C8orf74: variants seen among roughly 807,000 people sequenced by gnomAD.
C8orf74 encodes the protein chromosome 8 open reading frame 74, also known as uncharacterized protein C8orf74.
C8orf74 carries 29 observed loss-of-function variants against 22.2 expected under a neutral mutation model. That is an observed-to-expected ratio of 1.31 (90% confidence interval 0.97 to 1.78). The LOEUF is 1.78. C8orf74 is among the 40% of genes most tolerant of loss of function. The pLI, the probability that C8orf74 is intolerant of heterozygous loss-of-function variation, is 0.00. For synonymous variants in C8orf74, 255 were observed against 163.1 expected (o/e 1.56, Z -4.30); for missense variants, 515 against 369.9 (o/e 1.39, Z -3.22).
At chr8:10,694,312 G>T (rs1286885017) in intron 2 of C8orf74, among the ~76,000 whole-genome samples, 1 of 152,094 alleles carries the variant, frequency 6.6e-6, no homozygotes, top group Non-Finnish European at 1.5e-5. Flanking sequence ...AACTAATCTT[G>T]GATGAATGGA....
At chr8:10,679,018 A>G (rs1462248847) in intron 2 of C8orf74, among the ~76,000 whole-genome samples, 2 of 152,140 alleles carry the variant, frequency 1.3e-5, no homozygotes, top group Admixed American at 6.5e-5. Flanking sequence ...CTCCTCACTG[A>G]CAAACGCTGC....
chr8:10,687,954 C>T (rs983286272), intron 2 of C8orf74, among the ~76,000 whole-genome samples: 1 of 152,032 alleles, frequency 6.6e-6, no homozygotes, highest in Non-Finnish European at 1.5e-5. Flanking sequence ...ACCTGTAATC[C>T]CAGCACTTTG....
intron 2 of C8orf74, among the ~76,000 whole-genome samples, chr8:10,685,822 C>G (rs1288231451): frequency 6.6e-6 from 1 of 152,230 alleles, no homozygotes; most frequent in Non-Finnish European, 1.5e-5. Flanking sequence ...GTAATCCCAG[C>G]ACTTTGGGAG....
intron 2 of C8orf74, among the ~76,000 whole-genome samples, chr8:10,681,659 G>A (rs1322838086): frequency 2.0e-5 from 3 of 152,196 alleles, no homozygotes; most frequent in African/African-American, 7.2e-5. Context: ...CCACCACTCT[G>A]ACCTCTGTGC....
intron 2 of C8orf74, chr8:10,687,307 G>C (rs1799281581): frequency 3.0e-6 from 1 of 331,056 alleles, no homozygotes; most frequent in Admixed American, 4.2e-5. Flanking sequence ...TTATACCATG[G>C]AATCAATATA....
In C8orf74 at chr8:10,674,729, G is replaced by T. The variant is rs748153428; in HGVS notation, c.132G>T (p.Leu44=). Residue 44 remains leucine (L), a synonymous_variant, in exon 2 of 4, where the codon CTG becomes CTT. Coordinates refer to ENST00000304519, the MANE Select transcript of C8orf74 (RefSeq NM_001040032.2). Reference sequence around the variant, plus strand: ...AGAGAGACTCCCGGAGGAGCATCCTGCTGGACACCCTCTACGAGAGCATCA... The same window carrying T: ...AGAGAGACTCCCGGAGGAGCATCCTTCTGGACACCCTCTACGAGAGCATCA... ...DEQRDSRRSI[L]LDTLYESIIF... The T allele has an allele frequency of 6.2e-7, 1 of 1,608,526 alleles. No individual in the cohort carries two copies. Among genetic ancestry groups the T allele is most frequent in the East Asian group, 2.2e-5 (1 of 44,694 alleles).
Position 10,672,714 on chromosome 8 carries a change from G to A in C8orf74, c.48+1G>A, listed in dbSNP as rs1463685376. 5 of 1,556,888 alleles carry A rather than the reference G, an allele frequency of 3.2e-6. No individual in the cohort carries two copies. The highest frequency in any genetic ancestry group is 1.9e-5 in the Admixed American group (1 of 51,770). ...AGTGAAAGAAGTCTTCCAACTTCAG[G>A]TGAAGGAAGAGAAAATGTGGCTTTT... On this transcript the variant is annotated splice_donor_variant, in intron 1 of 3. Coordinates refer to ENST00000304519, the MANE Select transcript of C8orf74 (RefSeq NM_001040032.2). LOFTEE classifies it high-confidence loss of function.
At chr8:10,674,902 T>C (rs1586028176) in intron 2 of C8orf74, 64 bp downstream of exon 2, 3 of 1,345,832 alleles carry the variant, frequency 2.2e-6, no homozygotes. Context: ...CACATAGAAC[T>C]CCCCTGCCGT....
At chr8:10,683,663 G>A (rs760026135) in intron 2 of C8orf74, among the ~76,000 whole-genome samples, 1 of 152,206 alleles carries the variant, frequency 6.6e-6, no homozygotes, top group Non-Finnish European at 1.5e-5. Context: ...TGTGGCTACA[G>A]GGACCGTCAG....
intron 2 of C8orf74, chr8:10,687,185 G>C (rs1241726049): frequency 4.4e-6 from 2 of 454,232 alleles, no homozygotes; most frequent in Admixed American, 4.7e-5. Flanking sequence ...AGTGTTTACT[G>C]TGTACCAGGC....
chr8:10,675,176 G>A (rs1386924041), intron 2 of C8orf74, among the ~76,000 whole-genome samples: 1 of 152,260 alleles, frequency 6.6e-6, no homozygotes, highest in Non-Finnish European at 1.5e-5. Context: ...AACCCTTCAT[G>A]GACCTGAAGG....
At chr8:10,687,082 T>G in intron 2 of C8orf74, 1 of 456,254 alleles carries the variant, frequency 2.2e-6, no homozygotes, top group Non-Finnish European at 4.4e-6. Flanking sequence ...CAAACCAGGT[T>G]CAGTCCAGGA....
chr8:10,687,401 G>A (rs1799283654), intron 2 of C8orf74: 2 of 242,904 alleles, frequency 8.2e-6, no homozygotes, highest in South Asian at 4.4e-5. Context: ...TGTAATCCCG[G>A]CAGTTTGGGA....
rs1309807202 is a variant in C8orf74 at position 10,697,845 on chromosome 8, T to C, written c.488T>C (p.Ile163Thr). The C allele has an allele frequency of 2.5e-6, 4 of 1,613,624 alleles. No individual in the cohort carries two copies. Among genetic ancestry groups the C allele is most frequent in the Non-Finnish European group, 2.5e-6 (3 of 1,179,692 alleles). The change falls in exon 3 of 4, where the codon ATC becomes ACC. Residue 163 changes from isoleucine (I) to threonine (T), a missense_variant. Ile to Thr is a moderately conservative substitution (Grantham distance 89). Coordinates refer to ENST00000304519, the MANE Select transcript of C8orf74 (RefSeq NM_001040032.2). Reference protein sequence around the residue: ...LAEGMDRDLWIHEQQVATLTE... With the variant: ...LAEGMDRDLWTHEQQVATLTE... ...GAGGGCATGGACAGGGACTTGTGGA[T>C]CCACGAGCAGCAGGTGGCCACACTG...
intron 2 of C8orf74, among the ~76,000 whole-genome samples, chr8:10,693,812 G>C (rs148809323): frequency 2.2e-3 from 342 of 152,342 alleles, no homozygotes; most frequent in African/African-American, 7.8e-3. Flanking sequence ...CTGCCACTCA[G>C]ATCTGCTCCT....
intron 2 of C8orf74, among the ~76,000 whole-genome samples, chr8:10,678,342 C>T (rs1330884894): frequency 1.3e-5 from 2 of 152,198 alleles, no homozygotes; most frequent in Non-Finnish European, 2.9e-5. Context: ...GCATGGTGCT[C>T]GGTGCCTAGG....
chr8:10,699,597 T>G (rs1258087791), intron 3 of C8orf74, among the ~76,000 whole-genome samples: 1 of 152,200 alleles, frequency 6.6e-6, no homozygotes, highest in Admixed American at 6.5e-5. Context: ...GGGCTATAAC[T>G]CTGATGGAGT....
chr8:10,680,767 G>T (rs745888919), intron 2 of C8orf74, among the ~76,000 whole-genome samples: 153 of 152,278 alleles, frequency 1.0e-3, no homozygotes, highest in Non-Finnish European at 1.2e-3. Context: ...CCTCAGGAGG[G>T]GGCCCAGGCG....
In C8orf74 at chr8:10,672,654, G is replaced by T; in HGVS notation, c.-12G>T. 6.4e-7 allele frequency: 1 copy of T among 1,562,168 alleles called. No homozygotes were observed. The highest frequency in any genetic ancestry group is 8.7e-7 in the Non-Finnish European group (1 of 1,152,778). Reference sequence around the variant, plus strand: ...GTCTGGCTCCGTCTCCTGGCAACCAGATGCAGGGGCCATGGCACTCTTAAC... The same window carrying T: ...GTCTGGCTCCGTCTCCTGGCAACCATATGCAGGGGCCATGGCACTCTTAAC... On this transcript the variant is annotated 5_prime_UTR_variant, in exon 1 of 4. Transcript: ENST00000304519.
Sources: allele counts gnomAD v4.1 joint callset (sites outside exome capture counted in the v4.1 genomes callset), GRCh38; gene constraint gnomAD v4.1.1; transcripts MANE v1.5; gene names NCBI Gene and HGNC (gene_info 2026-07-23, HGNC 2026-07-21).